Variants in GDA observed in about 807,000 individuals in gnomAD.
GDA encodes the protein guanine deaminase, also known as cytoplasmic PSD-95 interactor.
GDA carries 18 observed loss-of-function variants against 59.6 expected under a neutral mutation model. That is an observed-to-expected ratio of 0.30 (90% CI 0.21 to 0.45). GDA has a LOEUF of 0.45. GDA is among the 20% of genes least tolerant of loss of function. The pLI, the probability that GDA is intolerant of heterozygous loss-of-function variation, is 1.00. For missense variants in GDA, 427 were observed against 552.3 expected, an observed-to-expected ratio of 0.77 and a Z score of 2.27; for synonymous variants, 201 against 201.1, an observed-to-expected ratio of 1.00 and a Z score of 0.00.
At chr9:72,121,500 G>C (rs1203150697) in intron 1 of GDA, among the ~76,000 whole-genome samples, 2 of 152,188 alleles carry the variant, frequency 1.3e-5, no homozygotes, top group Non-Finnish European at 2.9e-5. Flanking sequence ...GGGAGGCTGA[G>C]GCAGGAGAAT....
intron 10 of GDA, among the ~76,000 whole-genome samples, chr9:72,239,536 CATATA>C (rs1303702933): frequency 2.0e-5 from 3 of 152,020 alleles, no homozygotes; most frequent in Non-Finnish European, 4.4e-5. Flanking sequence ...AGTCGTTACC[CATATA>C]TTATAAAATA....
chr9:72,176,795 T>G (rs1830584857), intron 1 of GDA, among the ~76,000 whole-genome samples: 1 of 152,208 alleles, frequency 6.6e-6, no homozygotes, highest in Non-Finnish European at 1.5e-5. Flanking sequence ...ATCTTAACTT[T>G]TCTCTTCTCC....
chr9:72,199,724 T>A (rs1445080834), intron 2 of GDA, among the ~76,000 whole-genome samples: 1 of 152,170 alleles, frequency 6.6e-6, no homozygotes, highest in Non-Finnish European at 1.5e-5. Context: ...GCCATGCATT[T>A]TTGACCCTTG....
At position 72,241,379 on chromosome 9, in the gene GDA, A is replaced by G. The variant is rs1839594709; in HGVS notation, c.1135+81A>G. 3 of 1,062,140 alleles carry G rather than the reference A, an allele frequency of 2.8e-6. No homozygotes were observed. In the African/African-American group the frequency reaches 4.6e-5, roughly 16 times the overall value. 65.8% of individuals were successfully genotyped at this position (1,062,140 alleles called of 1,614,324 possible). A position where few individuals can be genotyped will look rare whatever the true frequency, so the allele number is the denominator to read the frequency against. On this transcript the variant is annotated intron_variant, in intron 11 of 13. Transcript: ENST00000358399. ...TTTGGATGTAGTATGAAGATGCATG[A>G]TTGGTATTAGGAAAATCCAATATTT...
chr9:72,193,394 A>G (rs1017423086), intron 1 of GDA, among the ~76,000 whole-genome samples: 1 of 152,266 alleles, frequency 6.6e-6, no homozygotes, highest in African/African-American at 2.4e-5. Flanking sequence ...TAGTGCCTTG[A>G]TGGTCCTGAA....
intron 1 of GDA, among the ~76,000 whole-genome samples, chr9:72,133,581 A>T (rs1357149387): frequency 6.6e-6 from 1 of 152,158 alleles, no homozygotes; most frequent in Non-Finnish European, 1.5e-5. Context: ...CATAGCAATT[A>T]TTCCCTGATC....
intron 1 of GDA, among the ~76,000 whole-genome samples, chr9:72,129,367 A>G (rs1035152887): frequency 6.6e-6 from 1 of 152,200 alleles, no homozygotes; most frequent in African/African-American, 2.4e-5. Flanking sequence ...TGCGTTCTCC[A>G]CGGGCTGTGC....
chr9:72,180,213 C>T (rs954841996), intron 1 of GDA, among the ~76,000 whole-genome samples: 6 of 152,026 alleles, frequency 3.9e-5, no homozygotes, highest in African/African-American at 1.4e-4. Context: ...AAAAATTTTC[C>T]AGGCATGGTG....
intron 1 of GDA, among the ~76,000 whole-genome samples, chr9:72,126,113 T>C (rs1408012755): frequency 7.2e-5 from 11 of 152,144 alleles, no homozygotes; most frequent in Admixed American, 5.9e-4. Context: ...AGACGGGGTT[T>C]CACCATGTTG....
At chr9:72,140,531 T>C (rs1352857615) in intron 1 of GDA, among the ~76,000 whole-genome samples, 1 of 152,204 alleles carries the variant, frequency 6.6e-6, no homozygotes, top group Non-Finnish European at 1.5e-5. Context: ...CCCATTCCCA[T>C]TTAGACTGCA....
chr9:72,240,626 C>G (rs1839507151), intron 10 of GDA, among the ~76,000 whole-genome samples: 1 of 151,924 alleles, frequency 6.6e-6, no homozygotes, highest in Non-Finnish European at 1.5e-5. Context: ...TAGAGTGGGT[C>G]CTAAATCCAG....
intron 1 of GDA, among the ~76,000 whole-genome samples, chr9:72,181,827 C>T (rs1217297528): frequency 5.3e-5 from 8 of 151,920 alleles, no homozygotes; most frequent in African/African-American, 9.7e-5. Context: ...TTTATATTTG[C>T]GTTTCCAAAT....
chr9:72,258,487 A>T (rs1004822842), downstream of GDA, among the ~76,000 whole-genome samples: 1 of 152,164 alleles, frequency 6.6e-6, no homozygotes, highest in African/African-American at 2.4e-5. Context: ...GGGCAACATG[A>T]TATAAAGAGT....
chr9:72,251,202 C>T lies in GDA; in HGVS notation c.*2860C>T, dbSNP rs754051349. 1 of 181,630 alleles carries T rather than the reference C, an allele frequency of 5.5e-6. No homozygotes were observed. The highest frequency in any genetic ancestry group is 1.1e-5 in the Non-Finnish European group (1 of 87,474). 11.3% of individuals were successfully genotyped at this position (181,630 alleles called of 1,614,324 possible). On this transcript the variant is annotated 3_prime_UTR_variant, in exon 14 of 14. Transcript: ENST00000358399. Reference sequence around the variant, plus strand: ...AAAGGGAAAGAAATGGTGGGAAACTCTCCCCGTAATGCTTAGCCAACTTTA... The same window carrying T: ...AAAGGGAAAGAAATGGTGGGAAACTTTCCCCGTAATGCTTAGCCAACTTTA...
chr9:72,180,911 G>A (rs1831123957), intron 1 of GDA, among the ~76,000 whole-genome samples: 1 of 152,230 alleles, frequency 6.6e-6, no homozygotes. Flanking sequence ...GATTGCTGGT[G>A]TTGAGGTGCT....
At chr9:72,130,113 C>T (rs949554763) in intron 1 of GDA, among the ~76,000 whole-genome samples, 3 of 152,186 alleles carry the variant, frequency 2.0e-5, no homozygotes, top group African/African-American at 4.8e-5. Flanking sequence ...CACTCATAGC[C>T]TGGAGACACA....
At chr9:72,190,424 G>T (rs958161235) in intron 1 of GDA, among the ~76,000 whole-genome samples, 1 of 152,126 alleles carries the variant, frequency 6.6e-6, no homozygotes, top group Non-Finnish European at 1.5e-5. Flanking sequence ...ACTTCACCCC[G>T]CCATGTTTTC....
intron 1 of GDA, among the ~76,000 whole-genome samples, chr9:72,155,762 T>C (rs1358333228): frequency 1.3e-5 from 2 of 152,080 alleles, no homozygotes; most frequent in East Asian, 3.9e-4. Context: ...TTAGGTAAAA[T>C]GGAATGTGGT....
Position 72,250,121 on chromosome 9 carries a change from C to T in GDA, c.*1779C>T. The T allele has an allele frequency of 2.0e-6, 2 of 985,152 alleles. No individual in the cohort carries two copies. The highest frequency in any genetic ancestry group is 2.3e-4 in the East Asian group (2 of 8,810). The allele number at this position is 985,152 out of a possible 1,614,324, so 61.0% of individuals were successfully genotyped here. A position where few individuals can be genotyped will look rare whatever the true frequency, so the allele number is the denominator to read the frequency against. The stretch of plus-strand genomic sequence containing the variant: ...CAAAGATGCCTTGCCAAATTTCTCC[C>T]CATTTCTCTACGGGGCTAGCAAAAA... On this transcript the variant is annotated 3_prime_UTR_variant, in exon 14 of 14. Transcript: ENST00000358399.
Sources: gnomAD v4.1 joint callset for allele counts (sites outside exome capture counted in the v4.1 genomes callset) on GRCh38, gnomAD v4.1.1 for gene constraint, MANE v1.5 for transcripts, NCBI Gene and HGNC (gene_info 2026-07-23, HGNC 2026-07-21) for gene names.